Variants in UNC80 observed in about 807,000 individuals in gnomAD.
UNC80 encodes the protein protein unc-80 homolog.
A neutral mutation model predicts 384.6 loss-of-function variants in UNC80; 164 were observed. The ratio of observed to expected loss-of-function variants is 0.43; its 90% confidence interval spans 0.38 to 0.49. The LOEUF (loss-of-function observed/expected upper bound fraction) is 0.49. Ranked by LOEUF, UNC80 falls within the 20% of genes least tolerant of loss-of-function variation. The pLI is 0.00. For missense variants in UNC80, 3,330 were observed against 4,143.0 expected (o/e 0.80, Z 5.39); for synonymous variants, 1,486 against 1,527.8 (o/e 0.97, Z 0.64).
chr2:209,842,259 A>G, intron 20 of UNC80, 91 bp from the exon 21 acceptor site: 1 of 929,752 alleles, frequency 1.1e-6, no homozygotes, highest in Non-Finnish European at 1.6e-6. Context: ...AAATGAGTAA[A>G]CAACTCATTT....
intron 61 of UNC80, among the ~76,000 whole-genome samples, chr2:209,991,865 A>G (rs539599249): frequency 1.3e-5 from 2 of 152,276 alleles, no homozygotes; most frequent in South Asian, 4.1e-4. Flanking sequence ...AGAATATGAC[A>G]TCTTATACCT....
At chr2:209,973,960 C>G (rs1374061629) in intron 56 of UNC80, among the ~76,000 whole-genome samples, 1 of 152,168 alleles carries the variant, frequency 6.6e-6, no homozygotes, top group Non-Finnish European at 1.5e-5. Context: ...TTCCCGTTAT[C>G]CTATGCTGCC....
intron 29 of UNC80, among the ~76,000 whole-genome samples, chr2:209,911,210 T>G (rs761711786): frequency 9.2e-5 from 14 of 152,124 alleles, no homozygotes; most frequent in African/African-American, 1.4e-4. Flanking sequence ...TTTTAGTATC[T>G]TGACTCTTTT....
intron 4 of UNC80, among the ~76,000 whole-genome samples, chr2:209,779,512 G>A (rs2077042426): frequency 2.0e-5 from 3 of 152,108 alleles, no homozygotes. Context: ...ACAAGTACCT[G>A]GAATTATTTA....
At position 209,813,741 on chromosome 2, in the gene UNC80, C is replaced by T. The variant is rs1205882216; in HGVS notation, c.1100C>T (p.Pro367Leu). Residue 367 changes from proline to leucine, a missense_variant, in exon 8 of 65, where the codon CCA becomes CTA. Transcript: ENST00000673920. The stretch of plus-strand genomic sequence containing the variant: ...CTGCGACACATGTTGGAAGAGAAGC[C>T]AGAAAAGCCTCCGGAGCCAGATATT... ...QRLRHMLEEK[P>L]EKPPEPDIPL... 52 of 1,551,702 alleles carry T rather than the reference C, an allele frequency of 3.4e-5. No homozygotes were observed. The highest frequency in any genetic ancestry group is 4.4e-5 in the Non-Finnish European group (51 of 1,147,034).
intron 13 of UNC80, among the ~76,000 whole-genome samples, chr2:209,821,485 C>A (rs2080130486): frequency 6.6e-6 from 1 of 152,142 alleles, no homozygotes. Flanking sequence ...ACATTTTTGG[C>A]AGCCAGCTTC....
At chr2:209,813,068 C>G (rs1016952137) in intron 7 of UNC80, among the ~76,000 whole-genome samples, 3 of 152,146 alleles carry the variant, frequency 2.0e-5, no homozygotes, top group African/African-American at 7.2e-5. Context: ...ATTTTCACAA[C>G]TGAAATTAAA....
At chr2:209,795,648 C>G (rs1056842348) in intron 7 of UNC80, 14 of 152,232 alleles carry the variant, frequency 9.2e-5, no homozygotes, top group African/African-American at 3.4e-4. Context: ...TGCCGTGGGT[C>G]CCAACTGCTC....
intron 40 of UNC80, among the ~76,000 whole-genome samples, chr2:209,936,072 C>A (rs553061428): frequency 6.6e-6 from 1 of 152,122 alleles, no homozygotes; most frequent in East Asian, 1.9e-4. Flanking sequence ...GTAGAAGAGA[C>A]CTTTGGAAAA....
intron 28 of UNC80, among the ~76,000 whole-genome samples, chr2:209,902,353 A>G (rs190397996): frequency 3.4e-4 from 52 of 152,368 alleles, no homozygotes; most frequent in Non-Finnish European, 2.9e-4. Flanking sequence ...TGTTATGAAC[A>G]TTATTGCAAT....
At chr2:209,979,191 G>C (rs541574815) in intron 59 of UNC80, among the ~76,000 whole-genome samples, 20 of 152,338 alleles carry the variant, frequency 1.3e-4, no homozygotes, top group Middle Eastern at 6.8e-3. Flanking sequence ...AGAGGTTGCA[G>C]TGAGCCAAGA....
At chr2:209,853,698 AT>A (rs1389815883) in intron 22 of UNC80, among the ~76,000 whole-genome samples, 1 of 152,088 alleles carries the variant, frequency 6.6e-6, no homozygotes, top group African/African-American at 2.4e-5. Context: ...TACTTCCTAT[AT>A]TTTTCAAGTG....
intron 44 of UNC80, among the ~76,000 whole-genome samples, chr2:209,942,017 A>G (rs910156770): frequency 6.6e-6 from 1 of 152,160 alleles, no homozygotes; most frequent in Admixed American, 6.5e-5. Flanking sequence ...TGTTTTTAAC[A>G]AGACCTTCAA....
intron 30 of UNC80, 148 bp from the exon 31 acceptor site, chr2:209,913,654 A>G (rs955776384): frequency 1.1e-5 from 8 of 701,020 alleles, no homozygotes; most frequent in Non-Finnish European, 1.8e-5. Context: ...ATCATATGCC[A>G]TGTCAACTAA....
At chr2:209,879,073 T>A (rs976865292) in intron 24 of UNC80, among the ~76,000 whole-genome samples, 12 of 152,034 alleles carry the variant, frequency 7.9e-5, no homozygotes, top group African/African-American at 2.9e-4. Context: ...ATGTTACCCC[T>A]TCTAAGACCT....
At position 209,939,456 on chromosome 2, in the gene UNC80, CTTT is replaced by C. The variant is rs1286207447; in HGVS notation, c.6466-14_6466-12del. 6.5e-7 allele frequency: 1 copy of C among 1,539,246 alleles called. No homozygotes were observed. Among genetic ancestry groups the C allele is most frequent in the African/African-American group, 1.4e-5 (1 of 72,850 alleles). On this transcript the variant is annotated splice_polypyrimidine_tract_variant and intron_variant, in intron 42 of 64. Transcript: ENST00000673920. ...TAATACTCCTTTTTGTCTGCTCCTG[CTTT>C]TGTTTTCTCCAGGTGTTCACCCGAA...
chr2:209,809,114 C>T (rs2079144207), intron 7 of UNC80: 2 of 550,068 alleles, frequency 3.6e-6, no homozygotes, highest in African/African-American at 1.9e-5. Flanking sequence ...TCACAGCCTT[C>T]TTCGTCTTTC....
At chr2:209,894,990 A>G (rs2086671273) in intron 27 of UNC80, among the ~76,000 whole-genome samples, 1 of 152,214 alleles carries the variant, frequency 6.6e-6, no homozygotes, top group Non-Finnish European at 1.5e-5. Context: ...ATTCTTGCCT[A>G]CAATGCAAGG....
chr2:209,962,758 TA>T (rs1417653823), intron 51 of UNC80, among the ~76,000 whole-genome samples: 2 of 152,228 alleles, frequency 1.3e-5, no homozygotes, highest in Non-Finnish European at 2.9e-5. Context: ...TGTTGCTGAT[TA>T]GGGGCAGATC....
Sources: gnomAD v4.1 joint callset for allele counts (sites outside exome capture counted in the v4.1 genomes callset) on GRCh38, gnomAD v4.1.1 for gene constraint, MANE v1.5 for transcripts, NCBI Gene and HGNC (gene_info 2026-07-23, HGNC 2026-07-21) for gene names.